The following CMTM3 variants were observed in gnomAD, a reference collection of about 807,000 sequenced individuals.
CMTM3 encodes the protein CKLF like MARVEL transmembrane domain containing 3, also known as CKLF-like MARVEL transmembrane domain-containing protein 3.
In CMTM3, 7 loss-of-function variants were observed where a neutral mutation model predicts 18.2. The observed-to-expected ratio is 0.38, with a 90% CI of 0.22 to 0.72. CMTM3 has a LOEUF of 0.72. CMTM3 is among the 30% of genes least tolerant of loss of function. CMTM3 has a pLI of 0.46. For synonymous variants in CMTM3, 109 were observed against 111.2 expected (o/e 0.98, Z 0.12); for missense variants, 227 against 249.2 (o/e 0.91, Z 0.60).
intron 1 of CMTM3, among the ~76,000 whole-genome samples, chr16:66,606,052 A>G (rs1276460659): frequency 6.7e-6 from 1 of 149,434 alleles, no homozygotes; most frequent in East Asian, 2.0e-4. Context: ...AGACCACCTC[A>G]TAAGAGGGAG....
Position 66,612,541 on chromosome 16 carries a change from CCA to C in CMTM3, c.521-67_521-66del. On this transcript the variant is annotated intron_variant, in intron 4 of 4. Coordinates refer to ENST00000567572, the MANE Select transcript of CMTM3 (RefSeq NM_181553.4). The surrounding 1 kb of genome is among the most constrained non-coding windows in gnomAD (Gnocchi z 6.0). ...CTGCCAGCAACCCAGCTGTGCTTCC[CCA>C]GAGACCGTTCCCAGGCACCGCTGCC... 2.6e-6 allele frequency: 4 copies of C among 1,548,582 alleles called. No homozygotes were observed. The highest frequency in any genetic ancestry group is 3.6e-6 in the Non-Finnish European group (4 of 1,126,414).
rs1724622326 is a variant in CMTM3, at chr16:66,612,155, C to T, written c.521-454C>T. On this transcript the variant is annotated intron_variant, in intron 4 of 4. Coordinates refer to ENST00000567572, the MANE Select transcript of CMTM3 (RefSeq NM_181553.4). This position sits in a 1 kb window ranked among gnomAD's most constrained non-coding sequence, Gnocchi z 6.0. Reference sequence around the variant, plus strand: ...TGCGGCCGGGCACGGTGGCTCACGCCTGTTACCCCAGCACTTTGGGAGGCT... The same window carrying T: ...TGCGGCCGGGCACGGTGGCTCACGCTTGTTACCCCAGCACTTTGGGAGGCT... Among the ~76,000 whole-genome samples, 1 of 152,188 alleles carries T rather than the reference C, an allele frequency of 6.6e-6. No homozygotes were observed. The highest frequency in any genetic ancestry group is 1.5e-5 in the Non-Finnish European group (1 of 68,028).
chr16:66,606,718 C>T (rs527753764), intron 1 of CMTM3, among the ~76,000 whole-genome samples: 52 of 152,306 alleles, frequency 3.4e-4, no homozygotes, highest in Middle Eastern at 3.4e-3. Context: ...CTGGGCCGGG[C>T]GTGGTGGCTC....
At chr16:66,604,660 G>C, upstream of CMTM3, 1 of 557,424 alleles carries the variant, frequency 1.8e-6, no homozygotes, top group Non-Finnish European at 2.6e-6. Context: ...GCGGGTGGGG[G>C]CGGGGCGGGG....
In CMTM3 at chr16:66,609,435, G is replaced by T. The variant is rs749166146; in HGVS notation, c.304G>T (p.Asp102Tyr). The change falls in exon 3 of 5, where the codon GAC becomes TAC. Residue 102 changes from aspartate (D) to tyrosine (Y), a missense_variant and splice_region_variant. Transcript: ENST00000567572. The surrounding 1 kb of genome is among the most constrained non-coding windows in gnomAD (Gnocchi z 4.4). ...KWQGLCWPMM[D>Y]FLRCVTAALI... ...GGGCAGCATGCCCCTCTCTCCCCAG[G>T]ACTTCCTGCGCTGTGTCACCGCGGC... 1 of 1,612,424 alleles carries T rather than the reference G, an allele frequency of 6.2e-7. No homozygotes were observed. The highest frequency in any genetic ancestry group is 2.2e-5 in the East Asian group (1 of 44,884).
chr16:66,612,552 TC>T lies in CMTM3; in HGVS notation c.521-54del. The T allele has an allele frequency of 6.3e-7, 1 of 1,588,590 alleles. No individual in the cohort carries two copies. Among genetic ancestry groups the T allele is most frequent in the Non-Finnish European group, 8.6e-7 (1 of 1,159,542 alleles). On this transcript the variant is annotated intron_variant, in intron 4 of 4. Coordinates refer to ENST00000567572, the MANE Select transcript of CMTM3 (RefSeq NM_181553.4). This position sits in a 1 kb window ranked among gnomAD's most constrained non-coding sequence, Gnocchi z 6.0. ...CCAGCTGTGCTTCCCCAGAGACCGT[TC>T]CCAGGCACCGCTGCCCTGAGCCTCC...
chr16:66,609,555 G>T lies in CMTM3; in HGVS notation c.399+25G>T. 1 of 1,568,670 alleles carries T rather than the reference G, an allele frequency of 6.4e-7. No individual in the cohort carries two copies. The highest frequency in any genetic ancestry group is 8.7e-7 in the Non-Finnish European group (1 of 1,153,828). On this transcript the variant is annotated intron_variant, in intron 3 of 4. Coordinates refer to ENST00000567572, the MANE Select transcript of CMTM3 (RefSeq NM_181553.4). This position sits in a 1 kb window ranked among gnomAD's most constrained non-coding sequence, Gnocchi z 4.4. ...GGTGAGCAGCCGCCCCACCCCTCTG[G>T]AAACTGCAGATGCCCCTCTAGCCCC...
chr16:66,604,945 C>T lies in CMTM3; in HGVS notation c.140C>T (p.Ala47Val). The T allele has an allele frequency of 1.3e-6, 2 of 1,504,408 alleles. No homozygotes were observed. The highest frequency in any genetic ancestry group is 1.8e-6 in the Non-Finnish European group (2 of 1,137,294). 93.2% of individuals were successfully genotyped at this position (1,504,408 alleles called of 1,614,324 possible). A position where few individuals can be genotyped will look rare whatever the true frequency, so the allele number is the denominator to read the frequency against. ...LCSLKGRLLLAESGLSFITFI... is the reference protein window; with the variant it reads ...LCSLKGRLLLVESGLSFITFI... ...TCTCTCAAAGGCCGCCTCCTGCTGG[C>T]CGAGTCGGTGAGTGCGGCGGGACCC... The change falls in exon 1 of 5, where the codon GCC becomes GTC. Residue 47 changes from alanine to valine, a missense_variant. Ala to Val is a moderately conservative substitution (Grantham distance 64). Coordinates refer to ENST00000567572, the MANE Select transcript of CMTM3 (RefSeq NM_181553.4).
At position 66,610,680 on chromosome 16, in the gene CMTM3, G is replaced by A. The variant is rs550855251; in HGVS notation, c.520+677G>A. Among the ~76,000 whole-genome samples, 69 of 152,248 alleles carry A rather than the reference G, an allele frequency of 4.5e-4. No individual in the cohort carries two copies. Among genetic ancestry groups the A allele is most frequent in the African/African-American group, 1.6e-3 (68 of 41,558 alleles). ...CAGAGACAGCAGGCGCTTCTGCCTG[G>A]GGAGATGCTTCTCTGGACCAGGCGG... On this transcript the variant is annotated intron_variant, in intron 4 of 4. Coordinates refer to ENST00000567572, the MANE Select transcript of CMTM3 (RefSeq NM_181553.4). The surrounding 1 kb of genome is among the most constrained non-coding windows in gnomAD (Gnocchi z 4.6).
rs1167893044 is a variant in CMTM3, at chr16:66,609,288, G to A, written c.304-147G>A. On this transcript the variant is annotated intron_variant, in intron 2 of 4. Transcript: ENST00000567572. The surrounding 1 kb of genome is among the most constrained non-coding windows in gnomAD (Gnocchi z 4.4). ...CAGAGGCACCTCGGGGGTGGGACAAGGGCCTAGGCATGTGGGTGGGGCCAG... is the reference window on the plus strand; with the variant it reads ...CAGAGGCACCTCGGGGGTGGGACAAAGGCCTAGGCATGTGGGTGGGGCCAG... The A allele has an allele frequency of 6.1e-6, 4 of 657,200 alleles. No individual in the cohort carries two copies. Among genetic ancestry groups the A allele is most frequent in the Non-Finnish European group, 1.0e-5 (4 of 383,508 alleles). 40.7% of individuals were successfully genotyped at this position (657,200 alleles called of 1,614,324 possible).
In CMTM3 at chr16:66,609,615, C is replaced by A; in HGVS notation, c.399+85C>A. The A allele has an allele frequency of 6.6e-7, 1 of 1,518,434 alleles. No homozygotes were observed. The highest frequency in any genetic ancestry group is 8.9e-7 in the Non-Finnish European group (1 of 1,122,202). 94.1% of individuals were successfully genotyped at this position (1,518,434 alleles called of 1,614,324 possible). ...GTGGGACCTGGGGCAGAGCCTTTCCCTGCTGGGGCCCCCCTGGGGTCTCAT... is the reference window on the plus strand; with the variant it reads ...GTGGGACCTGGGGCAGAGCCTTTCCATGCTGGGGCCCCCCTGGGGTCTCAT... On this transcript the variant is annotated intron_variant, in intron 3 of 4. Coordinates refer to ENST00000567572, the MANE Select transcript of CMTM3 (RefSeq NM_181553.4). The surrounding 1 kb of genome is among the most constrained non-coding windows in gnomAD (Gnocchi z 4.4).
rs1444441689 is a variant in CMTM3 at position 66,609,834 on chromosome 16, C to T, written c.400-49C>T. Reference sequence around the variant, plus strand: ...CCGTGAGGCTGGGGCAGCAGCCTCCCGGAGCAGGGAGTCAGCCCTGTGATG... The same window carrying T: ...CCGTGAGGCTGGGGCAGCAGCCTCCTGGAGCAGGGAGTCAGCCCTGTGATG... On this transcript the variant is annotated intron_variant, in intron 3 of 4. Transcript: ENST00000567572. The surrounding 1 kb of genome is among the most constrained non-coding windows in gnomAD (Gnocchi z 4.4). The T allele has an allele frequency of 6.8e-6, 11 of 1,614,194 alleles. No homozygotes were observed. Among genetic ancestry groups the T allele is most frequent in the South Asian group, 2.2e-5 (2 of 91,092 alleles).
chr16:66,609,605 GA>G lies in CMTM3; in HGVS notation c.399+76del. ...CTCATTTAGGGTGGGACCTGGGGCA[GA>G]GCCTTTCCCTGCTGGGGCCCCCCTG... On this transcript the variant is annotated intron_variant, in intron 3 of 4. Transcript: ENST00000567572. This position sits in a 1 kb window ranked among gnomAD's most constrained non-coding sequence, Gnocchi z 4.4. 1 of 1,522,390 alleles carries G rather than the reference GA, an allele frequency of 6.6e-7. No homozygotes were observed. Among genetic ancestry groups the G allele is most frequent in the Non-Finnish European group, 8.9e-7 (1 of 1,123,762 alleles). The allele number at this position is 1,522,390 out of a possible 1,614,324, so 94.3% of individuals were successfully genotyped here.
rs1036162212 is a variant in CMTM3 at position 66,612,479 on chromosome 16, C to G, written c.521-130C>G. The G allele has an allele frequency of 4.5e-6, 4 of 881,738 alleles. No individual in the cohort carries two copies. Among genetic ancestry groups the G allele is most frequent in the Non-Finnish European group, 7.2e-6 (4 of 558,438 alleles). 54.6% of individuals were successfully genotyped at this position (881,738 alleles called of 1,614,324 possible). On this transcript the variant is annotated intron_variant, in intron 4 of 4. Transcript: ENST00000567572. The surrounding 1 kb of genome is among the most constrained non-coding windows in gnomAD (Gnocchi z 6.0). Reference sequence around the variant, plus strand: ...CCCTGATGCCAGCGATCACTGGGAACGGTAGAGTCAGCTGCAGGAGGCCTG... The same window carrying G: ...CCCTGATGCCAGCGATCACTGGGAAGGGTAGAGTCAGCTGCAGGAGGCCTG...
In CMTM3 at chr16:66,609,105, G is replaced by A. The variant is rs1223514029; in HGVS notation, c.304-330G>A. Among the ~76,000 whole-genome samples, 1 of 152,176 alleles carries A rather than the reference G, an allele frequency of 6.6e-6. No individual in the cohort carries two copies. The highest frequency in any genetic ancestry group is 1.5e-5 in the Non-Finnish European group (1 of 68,016). ...AGGCCCAGAGCCAGATCTCCCCAAT[G>A]GAGAGCGGGAAGGGAGCAGGTGGGG... is the stretch of plus-strand genomic sequence containing the variant. On this transcript the variant is annotated intron_variant, in intron 2 of 4. Coordinates refer to ENST00000567572, the MANE Select transcript of CMTM3 (RefSeq NM_181553.4). The surrounding 1 kb of genome is among the most constrained non-coding windows in gnomAD (Gnocchi z 4.4).
rs756882898 is a variant in CMTM3 at position 66,609,748 on chromosome 16, G to A, written c.400-135G>A. The A allele has an allele frequency of 2.5e-5, 39 of 1,582,682 alleles. No homozygotes were observed. The highest frequency in any genetic ancestry group is 3.3e-4 in the Middle Eastern group (2 of 6,054). On this transcript the variant is annotated intron_variant, in intron 3 of 4. Coordinates refer to ENST00000567572, the MANE Select transcript of CMTM3 (RefSeq NM_181553.4). The surrounding 1 kb of genome is among the most constrained non-coding windows in gnomAD (Gnocchi z 4.4). Reference sequence around the variant, plus strand: ...GTTCACAGCTCATTTTCCCACTTCCGTTACTCACAGGGGTCTGTGCCTGAC... The same window carrying A: ...GTTCACAGCTCATTTTCCCACTTCCATTACTCACAGGGGTCTGTGCCTGAC...
rs1463133420 is a variant in CMTM3 at position 66,610,616 on chromosome 16, C to A, written c.520+613C>A. Among the ~76,000 whole-genome samples, 1 of 152,050 alleles carries A rather than the reference C, an allele frequency of 6.6e-6. No homozygotes were observed. The highest frequency in any genetic ancestry group is 2.4e-5 in the African/African-American group (1 of 41,364). Reference sequence around the variant, plus strand: ...AGATGGCAGTAGAGGAGTGTGCAGGCAGAAGAGACCAGGCCGGTGTAGGGA... The same window carrying A: ...AGATGGCAGTAGAGGAGTGTGCAGGAAGAAGAGACCAGGCCGGTGTAGGGA... On this transcript the variant is annotated intron_variant, in intron 4 of 4. Transcript: ENST00000567572. This position sits in a 1 kb window ranked among gnomAD's most constrained non-coding sequence, Gnocchi z 4.6.
At chr16:66,611,138 A>G in intron 4 of CMTM3, 1 of 356,066 alleles carries the variant, frequency 2.8e-6, no homozygotes, top group Non-Finnish European at 5.0e-6. Context: ...CTGTAAAATT[A>G]TTCTTGACTT....
At position 66,606,919 on chromosome 16, in the gene CMTM3, C is replaced by G. The variant is rs569571600; in HGVS notation, c.148-1390C>G. Among the ~76,000 whole-genome samples the G allele has an allele frequency of 2.0e-5, 3 of 152,242 alleles. No homozygotes were observed. In the South Asian group the frequency reaches 6.2e-4, roughly 32 times the overall value. On this transcript the variant is annotated intron_variant, in intron 1 of 4. Coordinates refer to ENST00000567572, the MANE Select transcript of CMTM3 (RefSeq NM_181553.4). ...TGAGGCAGGAGAATCACTTGAACCCCGGAGGTGGAGGTTGCAGTGAACTGA... is the reference window on the plus strand; with the variant it reads ...TGAGGCAGGAGAATCACTTGAACCCGGGAGGTGGAGGTTGCAGTGAACTGA...
Sources: allele counts gnomAD v4.1 joint callset (sites outside exome capture counted in the v4.1 genomes callset), GRCh38; gene constraint gnomAD v4.1.1; non-coding constraint Gnocchi (gnomAD v3.1); transcripts MANE v1.5; gene names NCBI Gene and HGNC (gene_info 2026-07-23, HGNC 2026-07-21).